SIGLEC8: variants seen among roughly 807,000 people sequenced by gnomAD.
SIGLEC8 encodes the protein sialic acid binding Ig like lectin 8.
A neutral mutation model predicts 42.1 loss-of-function variants in SIGLEC8; 32 were observed. The observed-to-expected ratio is 0.76, with a 90% CI of 0.57 to 1.02. The LOEUF (loss-of-function observed/expected upper bound fraction) is 1.02. Among genes scored for constraint, SIGLEC8 ranks in the 50% least tolerant of loss-of-function variants. SIGLEC8 has a pLI of 0.00. For synonymous variants in SIGLEC8, 262 were observed against 260.3 expected (o/e 1.01, Z -0.06); for missense variants, 611 against 610.2 (o/e 1.00, Z -0.01).
At chr19:51,453,827 T>G in intron 6 of SIGLEC8, 2 of 985,150 alleles carry the variant, frequency 2.0e-6, no homozygotes, top group Non-Finnish European at 2.4e-6. Flanking sequence ...GCTCACAGGT[T>G]AGTGGCGTAA....
Position 51,454,345 on chromosome 19 carries a change from T to C in SIGLEC8, c.1149-30A>G. The stretch of plus-strand genomic sequence containing the variant: ...GTGAAGAGACCAGAGAGCCTTTCAG[T>C]GTGGTCAGATCGGGGTGCAGTGGGC... On this transcript the variant is annotated intron_variant, in intron 5 of 6. Coordinates refer to ENST00000321424, the MANE Select transcript of SIGLEC8 (RefSeq NM_014442.3). The surrounding 1 kb of genome is among the most constrained non-coding windows in gnomAD (Gnocchi z 4.7). 2 of 1,612,446 alleles carry C rather than the reference T, an allele frequency of 1.2e-6. No individual in the cohort carries two copies. Among genetic ancestry groups the C allele is most frequent in the Non-Finnish European group, 1.7e-6 (2 of 1,179,942 alleles).
chr19:51,453,493 C>G, intron 6 of SIGLEC8: 1 of 639,544 alleles, frequency 1.6e-6, no homozygotes, highest in Non-Finnish European at 1.9e-6. Context: ...GTCAGGAGTT[C>G]GAGACCAGCT....
chr19:51,454,196 G>A lies in SIGLEC8; in HGVS notation c.1245+23C>T, dbSNP rs774607491. On this transcript the variant is annotated intron_variant, in intron 6 of 6. Coordinates refer to ENST00000321424, the MANE Select transcript of SIGLEC8 (RefSeq NM_014442.3). The surrounding 1 kb of genome is among the most constrained non-coding windows in gnomAD (Gnocchi z 4.7). ...GAGGTGTCCAGGCTGGATGCTCGGT[G>A]TGGAGAAGCCCACATCACTCACCTG... The A allele has an allele frequency of 3.1e-6, 5 of 1,613,882 alleles. No homozygotes were observed. The South Asian group carries it at 4.4e-5, about 14-fold the overall frequency.
In SIGLEC8 at chr19:51,455,593, C is replaced by G; in HGVS notation, c.876G>C (p.Arg292Ser). ...VCAVNSNPPA[R>S]LSWTRGSLTL... ...TCAGGCTCCCCCGGGTCCAGCTCAGCCTGGCAGGGGGATTGCTGTTGACAG... is the reference window on the plus strand; with the variant it reads ...TCAGGCTCCCCCGGGTCCAGCTCAGGCTGGCAGGGGGATTGCTGTTGACAG... Residue 292 changes from arginine to serine, a missense_variant, in exon 4 of 7, where the codon AGG becomes AGC. Transcript: ENST00000321424. 6.2e-7 allele frequency: 1 copy of G among 1,614,100 alleles called. No homozygotes were observed. Among genetic ancestry groups the G allele is most frequent in the South Asian group, 1.1e-5 (1 of 91,068 alleles).
In SIGLEC8 at chr19:51,455,693, G is replaced by A. The variant is rs747928167; in HGVS notation, c.782-6C>T. The A allele has an allele frequency of 1.2e-6, 2 of 1,612,010 alleles. No individual in the cohort carries two copies. Among genetic ancestry groups the A allele is most frequent in the East Asian group, 4.5e-5 (2 of 44,858 alleles). On this transcript the variant is annotated splice_region_variant and splice_polypyrimidine_tract_variant and intron_variant, in intron 3 of 6. Transcript: ENST00000321424. ...ATTTCCCAGGGCTGTGGATGCTGCAGAGAAAGAGACAGAGGGTCATCCCAT... is the reference window on the plus strand; with the variant it reads ...ATTTCCCAGGGCTGTGGATGCTGCAAAGAAAGAGACAGAGGGTCATCCCAT...
In SIGLEC8 at chr19:51,457,991, A is replaced by G. The variant is rs755315265; in HGVS notation, c.397T>C (p.Trp133Arg). The G allele has an allele frequency of 6.2e-7, 1 of 1,614,020 alleles. No homozygotes were observed. Among genetic ancestry groups the G allele is most frequent in the South Asian group, 1.1e-5 (1 of 91,076 alleles). ...TAATTCAACTGTGATTTGTAACTCC[A>G]TTTCATGCTTCCTCTCTCTAGCCGA... ...FFRLERGSMK[W>R]SYKSQLNYKT... The change falls in exon 1 of 7, where the codon TGG becomes CGG. Residue 133 changes from tryptophan to arginine, a missense_variant. Physicochemically the swap from Trp to Arg is moderately radical, Grantham distance 101. Transcript: ENST00000321424.
rs1048352309 is a variant in SIGLEC8, at chr19:51,453,875, T to C, written c.1245+344A>G. The C allele has an allele frequency of 3.0e-5, 30 of 984,162 alleles. No individual in the cohort carries two copies. In the African/African-American group the frequency reaches 4.6e-4, roughly 15 times the overall value. The allele number at this position is 984,162 out of a possible 1,614,324, so 61.0% of individuals were successfully genotyped here. ...GGTCAAAGAAATCAGGTCCCGCCAA[T>C]AGGAAAAATAATGAGAGGGGTCAGG... is the stretch of plus-strand genomic sequence containing the variant. On this transcript the variant is annotated intron_variant, in intron 6 of 6. Transcript: ENST00000321424.
At chr19:51,457,125 G>T in intron 3 of SIGLEC8, 59 bp downstream of exon 3, 1 of 1,434,918 alleles carries the variant, frequency 7.0e-7, no homozygotes, top group Non-Finnish European at 9.8e-7. Flanking sequence ...GAGAGACCCA[G>T]CCCCATCCTG....
chr19:51,457,421 C>T (rs200667199), intron 2 of SIGLEC8, 40 bp downstream of exon 2: 1 of 1,610,434 alleles, frequency 6.2e-7, no homozygotes, highest in Admixed American at 1.7e-5. Context: ...GAACACCTCC[C>T]AACCCATGAG....
At chr19:51,457,155 C>A (rs201865400) in intron 3 of SIGLEC8, 29 bp downstream of exon 3, 285 of 1,609,274 alleles carry the variant, frequency 1.8e-4, no homozygotes, top group African/African-American at 4.0e-5. Context: ...CCCTGCTCCC[C>A]CAACCCCAGG....
Position 51,454,715 on chromosome 19 carries a change from C to A in SIGLEC8, c.1117G>T (p.Ala373Ser), listed in dbSNP as rs1415558645. The change falls in exon 5 of 7, where the codon GCC becomes TCC. Residue 373 changes from alanine to serine, a missense_variant. Coordinates refer to ENST00000321424, the MANE Select transcript of SIGLEC8 (RefSeq NM_014442.3). This position sits in a 1 kb window ranked among gnomAD's most constrained non-coding sequence, Gnocchi z 4.7. ...AAGATGATGCAGAAGGACAGGAAGG[C>A]CAGGGCTGTGGCTCCAGCTCCCCCG... ...AVGGAGATAL[A>S]FLSFCIIFII... is the part of the protein sequence containing the mutation. The A allele has an allele frequency of 1.2e-6, 2 of 1,613,812 alleles. No homozygotes were observed. Among genetic ancestry groups the A allele is most frequent in the Admixed American group, 3.3e-5 (2 of 60,020 alleles).
At chr19:51,452,861 T>C (rs748794803) in intron 6 of SIGLEC8, among the ~76,000 whole-genome samples, 15 of 152,308 alleles carry the variant, frequency 9.8e-5, no homozygotes, top group Non-Finnish European at 1.8e-4. Flanking sequence ...ATATTATTAT[T>C]ATCTCCACTT....
intron 1 of SIGLEC8, 82 bp from the exon 2 acceptor site, chr19:51,457,821 T>G: frequency 1.3e-6 from 2 of 1,548,726 alleles, no homozygotes; most frequent in East Asian, 2.2e-5. Context: ...GTCCAGCTCC[T>G]CCCCGGAGAC....
chr19:51,452,419 A>C lies in SIGLEC8; in HGVS notation c.1460T>G (p.Leu487Trp). The change falls in exon 7 of 7, where the codon TTG becomes TGG. Residue 487 changes from leucine to tryptophan, a missense_variant. Leu to Trp is a moderately conservative substitution (Grantham distance 61). Coordinates refer to ENST00000321424, the MANE Select transcript of SIGLEC8 (RefSeq NM_014442.3). ...KRETAETQAC[L>W]RNHNPSSKEV... ...TTTGCTGGAGGGGTTGTGATTCCTCAAACAGGCCTGAGTCTCTGCAGTTTC... is the reference window on the plus strand; with the variant it reads ...TTTGCTGGAGGGGTTGTGATTCCTCCAACAGGCCTGAGTCTCTGCAGTTTC... The C allele has an allele frequency of 6.2e-7, 1 of 1,609,858 alleles. No individual in the cohort carries two copies. The highest frequency in any genetic ancestry group is 8.5e-7 in the Non-Finnish European group (1 of 1,176,424).
At position 51,457,629 on chromosome 19, in the gene SIGLEC8, T is replaced by C. The variant is rs1319021259; in HGVS notation, c.565A>G (p.Ile189Val). ...GACACGGAGGCCCCAATCCAGGAGA[T>C]CATGGGGGGTGTCCCCTGCTTACAG... ...WACKQGTPPM[I>V]SWIGASVSSP... Residue 189 changes from isoleucine to valine, a missense_variant, in exon 2 of 7, where the codon ATC becomes GTC. By Grantham distance (29) the Ile-to-Val change is conservative. Transcript: ENST00000321424. 1 of 1,612,058 alleles carries C rather than the reference T, an allele frequency of 6.2e-7. No homozygotes were observed. Among genetic ancestry groups the C allele is most frequent in the South Asian group, 1.1e-5 (1 of 90,878 alleles).
intron 3 of SIGLEC8, among the ~76,000 whole-genome samples, chr19:51,456,074 G>T (rs942063701): frequency 2.2e-5 from 3 of 137,908 alleles, no homozygotes; most frequent in Non-Finnish European, 1.6e-5. Context: ...GGGGACTGTT[G>T]TGGGGTGGGG....
Position 51,452,384 on chromosome 19 carries a change from C to T in SIGLEC8, c.1495G>A (p.Gly499Ser), listed in dbSNP as rs541629853. The change falls in exon 7 of 7, where the codon GGC (glycine) becomes AGC (serine). Residue 499 changes from glycine (G) to serine (S), a missense_variant. Physicochemically the swap from Gly to Ser is moderately conservative, Grantham distance 56. Transcript: ENST00000321424. ...NHNPSSKEVR[G>S] ...GGGTTCTTGTTCTATGAGAATCAGCCTCTGACTTCTTTGCTGGAGGGGTTG... is the reference window on the plus strand; with the variant it reads ...GGGTTCTTGTTCTATGAGAATCAGCTTCTGACTTCTTTGCTGGAGGGGTTG... 2 of 1,598,166 alleles carry T rather than the reference C, an allele frequency of 1.3e-6. No individual in the cohort carries two copies. The highest frequency in any genetic ancestry group is 3.3e-5 in the Admixed American group (2 of 59,738).
rs1989553963 is a variant in SIGLEC8 at position 51,458,452 on chromosome 19, A to G, written c.-65T>C. 1 of 1,547,142 alleles carries G rather than the reference A, an allele frequency of 6.5e-7. No homozygotes were observed. Among genetic ancestry groups the G allele is most frequent in the African/African-American group, 1.4e-5 (1 of 73,362 alleles). ...GTTCCTCAGGGTTCTTCTCTCAGAA[A>G]CTGAGGTCTCAAGACTTAGGGGAGG... On this transcript the variant is annotated 5_prime_UTR_variant, in exon 1 of 7. Transcript: ENST00000321424.
chr19:51,458,039 T>A lies in SIGLEC8; in HGVS notation c.349A>T (p.Arg117Trp). The change falls in exon 1 of 7, where the codon AGG becomes TGG. Residue 117 changes from arginine to tryptophan, a missense_variant. By Grantham distance (101) the Arg-to-Trp change is moderately radical. Transcript: ENST00000321424. The part of the protein sequence containing the change: ...CSLSIRDARK[R>W]DKGSYFFRLE... ...CGAAAGAAATATGACCCCTTATCCCTCTTCCTGGCGTCTCTGATGCTCAGG... is the reference window on the plus strand; with the variant it reads ...CGAAAGAAATATGACCCCTTATCCCACTTCCTGGCGTCTCTGATGCTCAGG... 6.2e-7 allele frequency: 1 copy of A among 1,614,166 alleles called. No individual in the cohort carries two copies.
Sources: allele counts gnomAD v4.1 joint callset (sites outside exome capture counted in the v4.1 genomes callset), GRCh38; gene constraint gnomAD v4.1.1; non-coding constraint Gnocchi (gnomAD v3.1); transcripts MANE v1.5; gene names NCBI Gene and HGNC (gene_info 2026-07-23, HGNC 2026-07-21).